SGCD: variants seen among roughly 807,000 people sequenced by gnomAD.
The protein encoded by SGCD is delta-sarcoglycan.
Under a neutral mutation model 36.6 loss-of-function variants are expected in SGCD, and 18 were observed. The ratio of observed to expected loss-of-function variants is 0.49; its 90% CI spans 0.34 to 0.73. The LOEUF is 0.73. Ranked by LOEUF, SGCD falls within the 30% of genes least tolerant of loss-of-function variation. The pLI is 0.01. For synonymous variants in SGCD, 133 were observed against 130.6 expected (o/e 1.02, Z -0.12); for missense variants, 387 against 346.7 (o/e 1.12, Z -0.92).
At chr5:156,237,283 C>A (rs1027108383) in intron 3 of SGCD, among the ~76,000 whole-genome samples, 7 of 152,094 alleles carry the variant, frequency 4.6e-5, no homozygotes, top group Non-Finnish European at 1.0e-4. Context: ...CTCCTTGCAC[C>A]TTATTTATAT....
chr5:156,365,171 A>G (rs76892286), intron 3 of SGCD, among the ~76,000 whole-genome samples: 3,983 of 152,346 alleles, frequency 0.026, 155 homozygotes, highest in East Asian at 0.08. Context: ...GCTAGAAATC[A>G]TAGTCATTAG....
the SGCD span, among the ~76,000 whole-genome samples, chr5:155,739,206 T>C: frequency 6.6e-6 from 1 of 152,332 alleles, no homozygotes; most frequent in Non-Finnish European, 1.5e-5. Flanking sequence ...ACAGCACTTA[T>C]TTACCCAGAA....
chr5:156,013,888 T>G (rs1033109311), intron 1 of SGCD, among the ~76,000 whole-genome samples: 1 of 152,150 alleles, frequency 6.6e-6, no homozygotes, highest in African/African-American at 2.4e-5. Flanking sequence ...GTATTTATTC[T>G]TTTGTATTTT....
chr5:155,943,529 T>C (rs1757376307), intron 1 of SGCD, among the ~76,000 whole-genome samples: 1 of 152,188 alleles, frequency 6.6e-6, no homozygotes, highest in Non-Finnish European at 1.5e-5. Flanking sequence ...ATCAATGGAC[T>C]GTAATAACTA....
the SGCD span, among the ~76,000 whole-genome samples, chr5:155,748,841 A>G: frequency 2.6e-5 from 4 of 152,186 alleles, no homozygotes; most frequent in Non-Finnish European, 5.9e-5. Flanking sequence ...TCTAAAGAAA[A>G]GTCCTATTTT....
At chr5:156,373,606 C>G (rs1242021620) in intron 3 of SGCD, among the ~76,000 whole-genome samples, 1 of 152,204 alleles carries the variant, frequency 6.6e-6, no homozygotes, top group East Asian at 1.9e-4. Flanking sequence ...GTGAGCCAAA[C>G]TGCCTTACAT....
chr5:156,565,290 G>C (rs74746676), intron 4 of SGCD, among the ~76,000 whole-genome samples: 3,646 of 152,212 alleles, frequency 0.024, 151 homozygotes, highest in African/African-American at 0.083. Flanking sequence ...ATTAGCCTTA[G>C]GGAAATGTGA....
chr5:155,853,181 T>C, the SGCD span, among the ~76,000 whole-genome samples: 1 of 152,072 alleles, frequency 6.6e-6, no homozygotes, highest in Non-Finnish European at 1.5e-5. Flanking sequence ...AAAATATTAT[T>C]ACTGTTATTT....
At chr5:156,055,309 T>C (rs913252964) in intron 1 of SGCD, among the ~76,000 whole-genome samples, 1 of 146,370 alleles carries the variant, frequency 6.8e-6, no homozygotes, top group East Asian at 1.9e-4. Flanking sequence ...CTGTGACTTA[T>C]GTCTTTGACA....
intron 3 of SGCD, among the ~76,000 whole-genome samples, chr5:156,210,730 G>A (rs1764417057): frequency 6.6e-6 from 1 of 151,548 alleles, no homozygotes; most frequent in Non-Finnish European, 1.5e-5. Context: ...AAGAACCTGT[G>A]AACTTACAGA....
At chr5:156,273,640 A>G (rs1371768967) in intron 3 of SGCD, among the ~76,000 whole-genome samples, 1 of 152,198 alleles carries the variant, frequency 6.6e-6, no homozygotes, top group East Asian at 1.9e-4. Flanking sequence ...CATCCCTTCT[A>G]CCACAGAAGA....
At chr5:156,385,017 G>A (rs1034975269) in intron 3 of SGCD, among the ~76,000 whole-genome samples, 3 of 152,174 alleles carry the variant, frequency 2.0e-5, no homozygotes, top group African/African-American at 7.2e-5. Context: ...TGAGGCATGG[G>A]TGGGTGGTGC....
intron 7 of SGCD, among the ~76,000 whole-genome samples, chr5:156,654,678 C>T (rs1227587533): frequency 6.6e-6 from 1 of 151,950 alleles, no homozygotes; most frequent in Non-Finnish European, 1.5e-5. Context: ...ATTGTGGAGC[C>T]CTGCTGTCTG....
At chr5:156,095,068 A>G (rs1008951162) in intron 1 of SGCD, among the ~76,000 whole-genome samples, 2 of 152,104 alleles carry the variant, frequency 1.3e-5, no homozygotes, top group African/African-American at 4.8e-5. Flanking sequence ...GACCTTGTTA[A>G]AACTGTGATG....
chr5:156,263,177 T>C (rs768575940), intron 3 of SGCD, among the ~76,000 whole-genome samples: 41 of 152,188 alleles, frequency 2.7e-4, no homozygotes, highest in Non-Finnish European at 4.4e-4. Context: ...CTTCAAGGAA[T>C]CTCCACCCTG....
chr5:156,075,736 G>A (rs182804066), intron 1 of SGCD, among the ~76,000 whole-genome samples: 22 of 152,294 alleles, frequency 1.4e-4, no homozygotes, highest in African/African-American at 4.8e-4. Flanking sequence ...TGGTGATGAT[G>A]TTAAGAACAA....
the SGCD span, among the ~76,000 whole-genome samples, chr5:155,840,446 ATT>A: frequency 1.6e-5 from 2 of 122,988 alleles, no homozygotes; most frequent in Admixed American, 1.8e-4. Flanking sequence ...GTATTTTTGT[ATT>A]TTTTTGTATT....
intron 6 of SGCD, among the ~76,000 whole-genome samples, chr5:156,619,660 C>T (rs1316262559): frequency 1.3e-5 from 2 of 151,938 alleles, no homozygotes; most frequent in East Asian, 3.9e-4. Flanking sequence ...CAGCAGAGGC[C>T]AAGGGGAATG....
intron 3 of SGCD, among the ~76,000 whole-genome samples, chr5:156,233,156 T>C (rs1271516103): frequency 1.3e-5 from 2 of 152,362 alleles, no homozygotes; most frequent in East Asian, 1.9e-4. Flanking sequence ...TTTGTAGCTA[T>C]GTAGAAAAAT....
Sources: allele counts gnomAD v4.1 joint callset (sites outside exome capture counted in the v4.1 genomes callset), GRCh38; gene constraint gnomAD v4.1.1; transcripts MANE v1.5; gene names NCBI Gene and HGNC (gene_info 2026-07-23, HGNC 2026-07-21).